NGEF: variants seen among roughly 807,000 people sequenced by gnomAD.
The protein encoded by NGEF is neuronal guanine nucleotide exchange factor, also known as ephexin-1.
NGEF carries 31 observed loss-of-function variants against 80.9 expected under a neutral mutation model. The ratio of observed to expected loss-of-function variants is 0.38; its 90% CI spans 0.29 to 0.52. The LOEUF is 0.52. NGEF is among the 20% of genes least tolerant of loss of function. The probability of loss-of-function intolerance (pLI) is 0.84; values close to 1 mark genes in which losing one functional copy is unlikely to be tolerated. For synonymous variants in NGEF, 371 were observed against 370.2 expected (o/e 1.00, Z -0.03); for missense variants, 709 against 926.2 (o/e 0.77, Z 3.04).
intron 3 of NGEF, among the ~76,000 whole-genome samples, chr2:232,936,011 T>G (rs1427425359): frequency 6.6e-6 from 1 of 152,188 alleles, no homozygotes; most frequent in Non-Finnish European, 1.5e-5. Flanking sequence ...GAACCAGCAG[T>G]CGAACCACAG....
Position 232,879,527 on chromosome 2 carries a change from T to C in NGEF, c.2095A>G (p.Lys699Glu). 1.2e-6 allele frequency: 2 copies of C among 1,612,926 alleles called. No individual in the cohort carries two copies. Among genetic ancestry groups the C allele is most frequent in the Non-Finnish European group, 1.7e-6 (2 of 1,179,296 alleles). The part of the protein sequence containing the change: ...KMDDPQRSQN[K>E]DRRKLGSRNR... ...CGGCTGCCCAGCTTCCTGCGGTCCT[T>C]GTTCTGGCTGCGCTGAGGGTCATCC... The change falls in exon 15 of 15, where the codon AAG becomes GAG. Residue 699 changes from lysine (K) to glutamate (E), a missense_variant. Transcript: ENST00000264051.
intron 1 of NGEF, among the ~76,000 whole-genome samples, chr2:233,003,137 C>G (rs1244768039): frequency 6.6e-6 from 1 of 152,168 alleles, no homozygotes; most frequent in Non-Finnish European, 1.5e-5. Context: ...GTGAGTTAAT[C>G]GTGAATAACC....
chr2:232,894,843 T>C lies in NGEF; in HGVS notation c.902A>G (p.Glu301Gly). 1 of 1,611,418 alleles carries C rather than the reference T, an allele frequency of 6.2e-7. No individual in the cohort carries two copies. The highest frequency in any genetic ancestry group is 1.7e-5 in the Admixed American group (1 of 60,010). Residue 301 changes from glutamate (E) to glycine (G), a missense_variant, in exon 6 of 15, where the codon GAG becomes GGG. Transcript: ENST00000264051. Reference sequence around the variant, plus strand: ...CAGGATCTTCCTTATCCGCTCGTTCTCCATGAAGTGGGACACGAGCAGGTT... The same window carrying C: ...CAGGATCTTCCTTATCCGCTCGTTCCCCATGAAGTGGGACACGAGCAGGTT... ...SLNLLVSHFM[E>G]NERIRKILHP...
At chr2:233,003,082 A>G (rs969298786) in intron 1 of NGEF, among the ~76,000 whole-genome samples, 2 of 152,186 alleles carry the variant, frequency 1.3e-5, no homozygotes, top group Non-Finnish European at 2.9e-5. Flanking sequence ...AGCTTCCTGC[A>G]GTCCTTTTTA....
chr2:232,983,832 G>A (rs1322455214), intron 1 of NGEF, among the ~76,000 whole-genome samples: 1 of 152,212 alleles, frequency 6.6e-6, no homozygotes, highest in East Asian at 1.9e-4. Flanking sequence ...AGACGAGAAT[G>A]CTGAAACCCG....
rs745429925 is a variant in NGEF at position 232,894,745 on chromosome 2, C to A, written c.989+11G>T. ...GGCCCTGAGGGAGGTGGCTGTCCCC[C>A]CCGTCCTCACCGCTCACTGACAGCC... On this transcript the variant is annotated intron_variant, in intron 6 of 14. Transcript: ENST00000264051. The A allele has an allele frequency of 1.3e-6, 2 of 1,558,272 alleles. No individual in the cohort carries two copies. Among genetic ancestry groups the A allele is most frequent in the Non-Finnish European group, 1.8e-6 (2 of 1,138,474 alleles).
rs1452908099 is a variant in NGEF, at chr2:232,974,872, C to A, written c.19G>T (p.Glu7Ter). METRES[E>*]DLEKTRRKSA... is the part of the protein sequence containing the mutation. ...TTCCTCCGGGTCTTTTCCAAATCTT[C>A]AGATTCCCTGGTCTCCATGGAAATA... The change falls in exon 2 of 15, where the codon GAA (glutamate) becomes TAA (stop). Residue 7 changes from glutamate (E) to a stop codon, truncating the protein, a stop_gained. Transcript: ENST00000264051. LOFTEE classifies it high-confidence loss of function. 6.2e-7 allele frequency: 1 copy of A among 1,613,700 alleles called. No individual in the cohort carries two copies. The highest frequency in any genetic ancestry group is 8.5e-7 in the Non-Finnish European group (1 of 1,179,930).
At chr2:232,884,802 T>C (rs1691622729) in intron 10 of NGEF, 1 of 159,528 alleles carries the variant, frequency 6.3e-6, no homozygotes, top group African/African-American at 2.4e-5. Flanking sequence ...TCAGGGACCG[T>C]CTGTGGGCAC....
In NGEF at chr2:232,920,293, C is replaced by T. The variant is rs763697195; in HGVS notation, c.819G>A (p.Lys273=). The change falls in exon 5 of 15, where the codon AAG becomes AAA. Residue 273 remains lysine (K), a synonymous_variant. Coordinates refer to ENST00000264051, the MANE Select transcript of NGEF (RefSeq NM_019850.3). Reference sequence around the variant, plus strand: ...CCTCGGCGCCTGTTACCTCCTGCAGCTTAATCTCCTCGGGCTGTAGGATCT... The same window carrying T: ...CCTCGGCGCCTGTTACCTCCTGCAGTTTAATCTCCTCGGGCTGTAGGATCT... The part of the protein sequence containing the change: ...VLEILQPEEI[K]LQEAMFELVT... 1.9e-6 allele frequency: 3 copies of T among 1,613,002 alleles called. No homozygotes were observed. The African/African-American group carries it at 4.0e-5, about 22-fold the overall frequency.
At chr2:232,986,695 A>G (rs2106331158) in intron 1 of NGEF, among the ~76,000 whole-genome samples, 1 of 152,334 alleles carries the variant, frequency 6.6e-6, no homozygotes, top group South Asian at 2.1e-4. Context: ...ATGTTTGCCA[A>G]GGGCTGGGGG....
intron 2 of NGEF, among the ~76,000 whole-genome samples, chr2:232,973,242 G>A (rs942073950): frequency 5.3e-5 from 8 of 152,278 alleles, no homozygotes; most frequent in African/African-American, 1.9e-4. Context: ...CAGCTTCCTC[G>A]TGTGTGAGAA....
chr2:232,892,864 C>A lies in NGEF; in HGVS notation c.1142+34G>T. 1 of 1,605,314 alleles carries A rather than the reference C, an allele frequency of 6.2e-7. No homozygotes were observed. Among genetic ancestry groups the A allele is most frequent in the South Asian group, 1.1e-5 (1 of 90,484 alleles). ...TGGTATGGCTGCCCCGGGCACCTCC[C>A]CCTGCCCCTGAGCCCCTTGCCGGAT... is the stretch of plus-strand genomic sequence containing the variant. On this transcript the variant is annotated intron_variant, in intron 7 of 14. Transcript: ENST00000264051. The surrounding 1 kb of genome is among the most constrained non-coding windows in gnomAD (Gnocchi z 4.0).
chr2:232,898,212 A>G (rs1049988269), intron 5 of NGEF, among the ~76,000 whole-genome samples: 2 of 152,382 alleles, frequency 1.3e-5, no homozygotes, highest in Admixed American at 6.5e-5. Flanking sequence ...GAATGATACC[A>G]AGGGGAAAAC....
chr2:232,922,368 T>C (rs1692964944), intron 4 of NGEF, among the ~76,000 whole-genome samples: 2 of 152,240 alleles, frequency 1.3e-5, no homozygotes, highest in African/African-American at 4.8e-5. Context: ...TTCCATGCTC[T>C]ATAACTCCAA....
intron 1 of NGEF, among the ~76,000 whole-genome samples, chr2:232,988,507 G>A (rs1195383521): frequency 3.9e-5 from 6 of 152,190 alleles, no homozygotes; most frequent in African/African-American, 1.4e-4. Context: ...GCAGGCAGCC[G>A]CCATCCCTGC....
At chr2:232,970,070 TA>T (rs1328430406) in intron 3 of NGEF, 143 bp downstream of exon 3, 10 of 425,584 alleles carry the variant, frequency 2.3e-5, no homozygotes, top group African/African-American at 1.3e-4. Flanking sequence ...AGTTTTTATT[TA>T]TTTATTTTTT....
chr2:232,902,072 C>G (rs1249979216), intron 5 of NGEF, among the ~76,000 whole-genome samples: 35 of 152,176 alleles, frequency 2.3e-4, no homozygotes, highest in Admixed American at 2.3e-3. Flanking sequence ...GCAGGGCGCT[C>G]CCAAGCTCTC....
chr2:232,900,527 T>C lies in NGEF; in HGVS notation c.829-5611A>G, dbSNP rs28639524. ...GTTCACTCACATTCACTTAGACACA[T>C]GCTCTCACAGTCACTCATATACACG... On this transcript the variant is annotated intron_variant, in intron 5 of 14. Transcript: ENST00000264051. Among the ~76,000 whole-genome samples, 475 of 64,904 alleles carry C rather than the reference T, an allele frequency of 7.3e-3. 43 individuals carry two copies. The highest frequency in any genetic ancestry group is 0.014 in the African/African-American group (206 of 14,634). 42.6% of individuals were successfully genotyped at this position (64,904 alleles called of 152,430 possible).
chr2:232,969,443 C>T (rs1694136281), intron 3 of NGEF, among the ~76,000 whole-genome samples: 1 of 57,936 alleles, frequency 1.7e-5, no homozygotes, highest in Non-Finnish European at 3.1e-5. Context: ...CTCCCTCCCT[C>T]CCTCCCCTTC....
Sources: allele counts gnomAD v4.1 joint callset (sites outside exome capture counted in the v4.1 genomes callset), GRCh38; gene constraint gnomAD v4.1.1; non-coding constraint Gnocchi (gnomAD v3.1); transcripts MANE v1.5; gene names NCBI Gene and HGNC (gene_info 2026-07-23, HGNC 2026-07-21).